The following CSMD2 variants were observed in gnomAD, a reference collection of about 807,000 sequenced individuals.
CSMD2 encodes CUB and Sushi multiple domains 2.
A neutral mutation model predicts 398.5 loss-of-function variants in CSMD2; 130 were observed. The ratio of observed to expected loss-of-function variants is 0.33; its 90% CI spans 0.28 to 0.38. CSMD2 has a LOEUF of 0.38. CSMD2 is among the 10% of genes least tolerant of loss of function. The pLI is 1.00. For synonymous variants in CSMD2, 1,828 were observed against 1,908.5 expected, an observed-to-expected ratio of 0.96 and a Z score of 1.10; for missense variants, 3,829 against 4,764.9, an observed-to-expected ratio of 0.80 and a Z score of 5.78.
chr1:33,645,169 CTTATG>C (rs1293974652), intron 29 of CSMD2, among the ~76,000 whole-genome samples: 2 of 151,962 alleles, frequency 1.3e-5, no homozygotes, highest in Non-Finnish European at 2.9e-5. Flanking sequence ...TATCTGAGGT[CTTATG>C]TTATGCAAGT....
At chr1:33,556,578 A>G (rs1485674978) in intron 55 of CSMD2, among the ~76,000 whole-genome samples, 2 of 152,122 alleles carry the variant, frequency 1.3e-5, no homozygotes, top group Non-Finnish European at 2.9e-5. Context: ...CAGAGGGGAG[A>G]GCAGGAAACC....
chr1:33,656,522 C>G (rs1643951273), intron 27 of CSMD2, among the ~76,000 whole-genome samples: 1 of 152,198 alleles, frequency 6.6e-6, no homozygotes, highest in South Asian at 2.1e-4. Context: ...AGAGCCATGA[C>G]TGTCATAGGC....
At chr1:33,556,614 G>A (rs958833761) in intron 55 of CSMD2, among the ~76,000 whole-genome samples, 7 of 152,170 alleles carry the variant, frequency 4.6e-5, no homozygotes, top group African/African-American at 1.7e-4. Flanking sequence ...TCTTAAGGAC[G>A]TGTAAGGCCA....
chr1:33,727,406 T>G (rs1646571279), intron 15 of CSMD2, among the ~76,000 whole-genome samples: 1 of 152,188 alleles, frequency 6.6e-6, no homozygotes. Flanking sequence ...CTCAGCTGCC[T>G]CTTTCCCACC....
chr1:33,677,054 G>A (rs1191249241), intron 25 of CSMD2, among the ~76,000 whole-genome samples: 2 of 152,120 alleles, frequency 1.3e-5, no homozygotes. Context: ...GCATGGGCAA[G>A]GACTTCATCT....
chr1:33,537,330 C>A lies in CSMD2; in HGVS notation c.9805+106G>T, dbSNP rs1655893278. ...TCAGAGGATGAGATGTTCCCTTTTG[C>A]AGATGAGACCACTGAAGACAGGGAA... On this transcript the variant is annotated intron_variant, in intron 61 of 70. Coordinates refer to ENST00000373381, the MANE Select transcript of CSMD2 (RefSeq NM_001281956.2). The surrounding 1 kb of genome is among the most constrained non-coding windows in gnomAD (Gnocchi z 4.6). 8 of 1,282,142 alleles carry A rather than the reference C, an allele frequency of 6.2e-6. No homozygotes were observed. Among genetic ancestry groups the A allele is most frequent in the Non-Finnish European group, 8.8e-6 (8 of 913,622 alleles). 79.4% of individuals were successfully genotyped at this position (1,282,142 alleles called of 1,614,324 possible).
chr1:33,657,436 T>G (rs1305968446), intron 27 of CSMD2, among the ~76,000 whole-genome samples: 1 of 152,160 alleles, frequency 6.6e-6, no homozygotes, highest in African/African-American at 2.4e-5. Flanking sequence ...ATGGTGCCAC[T>G]GCACTCCAGT....
chr1:33,964,754 G>T (rs1016519504), intron 3 of CSMD2, among the ~76,000 whole-genome samples: 20 of 152,154 alleles, frequency 1.3e-4, no homozygotes, highest in African/African-American at 4.8e-4. Flanking sequence ...ATGGTTGAGG[G>T]GTAGGGCGCT....
At chr1:33,849,193 C>T (rs995395963) in intron 5 of CSMD2, among the ~76,000 whole-genome samples, 2 of 152,198 alleles carry the variant, frequency 1.3e-5, no homozygotes, top group Non-Finnish European at 2.9e-5. Flanking sequence ...TCCTACCTCC[C>T]TGGACACAAA....
rs1009631202 is a variant in CSMD2, at chr1:33,840,377, T to C, written c.1033+6507A>G. Among the ~76,000 whole-genome samples, 96 of 152,290 alleles carry C rather than the reference T, an allele frequency of 6.3e-4. 1 individual carries two copies. Among genetic ancestry groups the C allele is most frequent in the African/African-American group, 2.3e-3 (94 of 41,568 alleles). On this transcript the variant is annotated intron_variant, in intron 6 of 70. Coordinates refer to ENST00000373381, the MANE Select transcript of CSMD2 (RefSeq NM_001281956.2). ...CTCTTATTTGTAGGTACCCAGGACT[T>C]CACTCAAATGTTATTGCCTCCCTAT... is the stretch of plus-strand genomic sequence containing the variant.
At chr1:33,986,772 A>C (rs1465435747) in intron 3 of CSMD2, among the ~76,000 whole-genome samples, 1 of 152,186 alleles carries the variant, frequency 6.6e-6, no homozygotes, top group Non-Finnish European at 1.5e-5. Flanking sequence ...AGCGTAACTC[A>C]GGGCACTGGG....
At chr1:33,768,918 T>G (rs1650906263) in intron 13 of CSMD2, among the ~76,000 whole-genome samples, 1 of 152,210 alleles carries the variant, frequency 6.6e-6, no homozygotes, top group South Asian at 2.1e-4. Context: ...CACATCTTCT[T>G]AAGGTGGTTT....
At chr1:33,824,923 T>A (rs1570133179) in intron 7 of CSMD2, among the ~76,000 whole-genome samples, 1 of 152,092 alleles carries the variant, frequency 6.6e-6, no homozygotes, top group East Asian at 1.9e-4. Flanking sequence ...GGAAGGTTTC[T>A]GGAAAAAAAC....
intron 1 of CSMD2, among the ~76,000 whole-genome samples, chr1:34,129,011 C>CCCA (rs1553325894): frequency 3.3e-4 from 49 of 149,988 alleles, no homozygotes; most frequent in South Asian, 8.4e-4. Context: ...GTACCCCCCC[C>CCCA]CACACACACA....
intron 1 of CSMD2, among the ~76,000 whole-genome samples, chr1:34,090,381 G>A (rs1055370637): frequency 6.6e-6 from 1 of 152,088 alleles, no homozygotes; most frequent in Admixed American, 6.5e-5. Flanking sequence ...CAGTCTCCGT[G>A]CCAAGGCCTC....
At chr1:33,652,894 A>G (rs574117140) in intron 27 of CSMD2, among the ~76,000 whole-genome samples, 57 of 152,244 alleles carry the variant, frequency 3.7e-4, no homozygotes, top group Non-Finnish European at 7.6e-4. Context: ...AGCTGGGACT[A>G]CAGGCGCCCG....
chr1:34,131,276 G>A (rs976546718), intron 1 of CSMD2, among the ~76,000 whole-genome samples: 1 of 152,206 alleles, frequency 6.6e-6, no homozygotes, highest in African/African-American at 2.4e-5. Flanking sequence ...AATAGTGAAA[G>A]TACTAGACAA....
At chr1:34,059,002 G>T (rs1034276901) in intron 2 of CSMD2, among the ~76,000 whole-genome samples, 2 of 152,144 alleles carry the variant, frequency 1.3e-5, no homozygotes, top group Non-Finnish European at 2.9e-5. Context: ...CCCAGCCCTG[G>T]TCCCCATTTG....
chr1:33,950,057 C>T (rs1463286448), intron 3 of CSMD2, among the ~76,000 whole-genome samples: 1 of 152,086 alleles, frequency 6.6e-6, no homozygotes, highest in African/African-American at 2.4e-5. Flanking sequence ...TCTTGAATTA[C>T]CTTCCTTCCA....
Sources: allele counts gnomAD v4.1 joint callset (sites outside exome capture counted in the v4.1 genomes callset), GRCh38; gene constraint gnomAD v4.1.1; non-coding constraint Gnocchi (gnomAD v3.1); transcripts MANE v1.5; gene names NCBI Gene and HGNC (gene_info 2026-07-23, HGNC 2026-07-21).